Variants in ARHGAP6 observed in about 807,000 individuals in gnomAD.
ARHGAP6 encodes the protein Rho GTPase activating protein 6.
ARHGAP6 carries 16 observed loss-of-function variants against 55.7 expected under a neutral mutation model. The ratio of observed to expected loss-of-function variants is 0.29; its 90% CI spans 0.19 to 0.44. The LOEUF (loss-of-function observed/expected upper bound fraction) is 0.44, where lower values mean the gene tolerates loss of function less well. ARHGAP6 is among the 20% of genes least tolerant of loss of function. ARHGAP6 has a pLI of 1.00. For synonymous variants in ARHGAP6, 382 were observed against 360.9 expected, an observed-to-expected ratio of 1.06 and a Z score of -0.66; for missense variants, 698 against 808.9, an observed-to-expected ratio of 0.86 and a Z score of 1.66.
rs757820773 is a variant in ARHGAP6 at position 11,563,220 on chromosome X, T to C, written c.588+101021A>G. 1.2e-4 allele frequency among the ~76,000 whole-genome samples: 13 copies of C among 111,976 alleles called. No individual in the cohort carries two copies. In the East Asian group the frequency reaches 3.6e-3, roughly 31 times the overall value. On this transcript the variant is annotated intron_variant, in intron 1 of 12. Transcript: ENST00000337414. ...ATAAAAATGATATTAAGTGAATTCATTTGAAATAAGTAATTTATCAATATT... is the reference window on the plus strand; with the variant it reads ...ATAAAAATGATATTAAGTGAATTCACTTGAAATAAGTAATTTATCAATATT...
intron 1 of ARHGAP6, chrX:11,300,554 T>A: frequency 9.5e-7 from 1 of 1,047,355 alleles, no homozygotes; most frequent in Non-Finnish European, 1.3e-6. Flanking sequence ...TAAATGGTAC[T>A]CACTAGGAAC....
At chrX:11,362,654 A>G (rs957615953) in intron 1 of ARHGAP6, among the ~76,000 whole-genome samples, 5 of 99,315 alleles carry the variant, frequency 5.0e-5, no homozygotes, top group Non-Finnish European at 8.1e-5. Context: ...TTAAAGTATA[A>G]TAATAATAAT....
rs200494698 is a variant in ARHGAP6 at position 11,520,363 on chromosome X, C to T, written c.588+143878G>A. Among the ~76,000 whole-genome samples the T allele has an allele frequency of 3.6e-4, 37 of 102,929 alleles. No homozygotes were observed. The East Asian group carries it at 0.011, about 31-fold the overall frequency. 89.4% of individuals were successfully genotyped at this position (102,929 alleles called of 115,157 possible). ...TGTGTGATGTTCCCCTTCCTGTGTC[C>T]AAGTGTTCTCATTGTTCAATTTCGA... On this transcript the variant is annotated intron_variant, in intron 1 of 12. Transcript: ENST00000337414.
intron 1 of ARHGAP6, among the ~76,000 whole-genome samples, chrX:11,450,986 T>C (rs1463473197): frequency 1.8e-5 from 2 of 111,487 alleles, no homozygotes; most frequent in Non-Finnish European, 3.8e-5. Context: ...AAGAGGGCTG[T>C]TAATATGAGT....
chrX:11,647,939 C>G (rs906102609), intron 1 of ARHGAP6, among the ~76,000 whole-genome samples: 1 of 111,890 alleles, frequency 8.9e-6, no homozygotes, highest in African/African-American at 3.2e-5. Context: ...GCCTTGCCAA[C>G]CTGATGTAAT....
intron 1 of ARHGAP6, among the ~76,000 whole-genome samples, chrX:11,496,105 C>A (rs1265440075): frequency 8.9e-6 from 1 of 112,488 alleles, no homozygotes; most frequent in East Asian, 2.8e-4. Flanking sequence ...CATATAACTT[C>A]TGAAGCAAAG....
intron 1 of ARHGAP6, among the ~76,000 whole-genome samples, chrX:11,497,643 C>T (rs2050637751): frequency 9.6e-6 from 1 of 104,283 alleles, no homozygotes; most frequent in Admixed American, 1.1e-4. Flanking sequence ...GGTAAAGAGG[C>T]CTCACCAGGA....
rs762306703 is a variant in ARHGAP6, at chrX:11,362,047, A to T, written c.589-107340T>A. Among the ~76,000 whole-genome samples the T allele has an allele frequency of 4.8e-3, 539 of 111,813 alleles. 3 individuals are homozygous for T. The highest frequency in any genetic ancestry group is 0.017 in the African/African-American group (523 of 30,700). ...TGTGGAGAAATAGGAACACTTTTAC[A>T]CTGTTGGTGGGACTGCAAACTAGTT... On this transcript the variant is annotated intron_variant, in intron 1 of 12. Coordinates refer to ENST00000337414, the MANE Select transcript of ARHGAP6 (RefSeq NM_013427.3).
Position 11,551,101 on chromosome X carries a change from G to A in ARHGAP6, c.588+113140C>T, listed in dbSNP as rs573406648. Among the ~76,000 whole-genome samples the A allele has an allele frequency of 2.1e-3, 239 of 111,971 alleles. 1 individual carries two copies. The highest frequency in any genetic ancestry group is 0.014 in the Middle Eastern group (3 of 217). On this transcript the variant is annotated intron_variant, in intron 1 of 12. Transcript: ENST00000337414. ...AGGAGTGGTTAGAACAAGGAAGAAA[G>A]GAGTGAGATAAAAGTCATGGACAAC...
intron 1 of ARHGAP6, among the ~76,000 whole-genome samples, chrX:11,391,251 G>C (rs2049401155): frequency 9.0e-6 from 1 of 111,273 alleles, no homozygotes; most frequent in Non-Finnish European, 1.9e-5. Context: ...ACTCATAGGT[G>C]GGAATTGAAC....
At chrX:11,308,816 T>C (rs765354030) in intron 1 of ARHGAP6, among the ~76,000 whole-genome samples, 1 of 112,360 alleles carries the variant, frequency 8.9e-6, no homozygotes, top group Admixed American at 9.4e-5. Context: ...TCAAATTCCA[T>C]TGATTTTCAA....
At chrX:11,236,528 C>T (rs1166629440) in intron 2 of ARHGAP6, among the ~76,000 whole-genome samples, 1 of 111,660 alleles carries the variant, frequency 9.0e-6, no homozygotes, top group Non-Finnish European at 1.9e-5. Flanking sequence ...GATACATGAA[C>T]TGGCATGCCC....
In ARHGAP6 at chrX:11,516,602, T is replaced by A. The variant is rs190782599; in HGVS notation, c.588+147639A>T. Among the ~76,000 whole-genome samples the A allele has an allele frequency of 4.0e-3, 454 of 112,360 alleles. 2 individuals carry two copies. Among genetic ancestry groups the A allele is most frequent in the African/African-American group, 0.013 (409 of 31,000 alleles). On this transcript the variant is annotated intron_variant, in intron 1 of 12. Transcript: ENST00000337414. ...TAGATTTAACACATACCGTGATAAG[T>A]TTACTTACTCGTTGTAGCAATACTC...
chrX:11,216,668 C>A (rs1235826564), intron 2 of ARHGAP6, among the ~76,000 whole-genome samples: 3 of 111,564 alleles, frequency 2.7e-5, no homozygotes, highest in African/African-American at 9.8e-5. Flanking sequence ...TCTTCTTAAA[C>A]AAACATGGCA....
intron 2 of ARHGAP6, among the ~76,000 whole-genome samples, chrX:11,205,716 G>A (rs1451873108): frequency 1.8e-5 from 2 of 111,193 alleles, no homozygotes; most frequent in East Asian, 5.6e-4. Flanking sequence ...AATTTCTCCT[G>A]TTGTAAAGTC....
chrX:11,353,602 A>C (rs1381096124), intron 1 of ARHGAP6, among the ~76,000 whole-genome samples: 1 of 93,335 alleles, frequency 1.1e-5, no homozygotes, highest in Non-Finnish European at 2.2e-5. Context: ...GTGTGTATGC[A>C]TGGTAGTATG....
At chrX:11,269,894 G>A (rs560828342) in intron 1 of ARHGAP6, among the ~76,000 whole-genome samples, 1 of 111,696 alleles carries the variant, frequency 9.0e-6, no homozygotes, top group African/African-American at 3.3e-5. Context: ...CTATTTGCAC[G>A]GAGAGAATGT....
At chrX:11,227,672 T>G (rs2047068480) in intron 2 of ARHGAP6, among the ~76,000 whole-genome samples, 1 of 111,182 alleles carries the variant, frequency 9.0e-6, no homozygotes, top group African/African-American at 3.3e-5. Context: ...AGGCTTGTTT[T>G]GCCACCCTCT....
chrX:11,386,228 A>C (rs2049326768), intron 1 of ARHGAP6, among the ~76,000 whole-genome samples: 1 of 113,143 alleles, frequency 8.8e-6, no homozygotes. Context: ...CAGATACTAG[A>C]ATTGAAAGAA....
Sources: allele counts gnomAD v4.1 joint callset (sites outside exome capture counted in the v4.1 genomes callset), GRCh38; gene constraint gnomAD v4.1.1; transcripts MANE v1.5; gene names NCBI Gene and HGNC (gene_info 2026-07-23, HGNC 2026-07-21).